Variants in FCHO2 observed in about 807,000 individuals in gnomAD.
FCHO2 encodes the protein F-BAR domain only protein 2.
In FCHO2, 43 loss-of-function variants were observed where a neutral mutation model predicts 114.1. The observed-to-expected ratio is 0.38, with a 90% confidence interval of 0.30 to 0.49. The LOEUF (loss-of-function observed/expected upper bound fraction) is 0.49, where lower values mean the gene tolerates loss of function less well. Ranked by LOEUF, FCHO2 falls within the 20% of genes least tolerant of loss-of-function variation. The pLI is 0.97. For missense variants in FCHO2, 807 were observed against 950.4 expected, an observed-to-expected ratio of 0.85 and a Z score of 1.98; for synonymous variants, 293 against 315.2, an observed-to-expected ratio of 0.93 and a Z score of 0.75.
In FCHO2 at chr5:73,068,227, T is replaced by G. The variant is rs568844742; in HGVS notation, c.1450-423T>G. On this transcript the variant is annotated intron_variant, in intron 18 of 25. Coordinates refer to ENST00000430046, the MANE Select transcript of FCHO2 (RefSeq NM_138782.3). ...ATTTTCTAAATTAGCTAGAAAAAAT[T>G]TTTAATCCCTTTTTCTTCTTCTGTG... is the stretch of plus-strand genomic sequence containing the variant. Among the ~76,000 whole-genome samples, 326 of 152,156 alleles carry G rather than the reference T, an allele frequency of 2.1e-3. 1 individual carries two copies. The highest frequency in any genetic ancestry group is 7.3e-3 in the African/African-American group (302 of 41,544).
In FCHO2 at chr5:73,066,739, G is replaced by C. The variant is rs114662409; in HGVS notation, c.1450-1911G>C. ...GCACCCAACGTGCAGTACCAGATCA[G>C]TAGCATTAGCATCACCAGGGAATTT... On this transcript the variant is annotated intron_variant, in intron 18 of 25. Coordinates refer to ENST00000430046, the MANE Select transcript of FCHO2 (RefSeq NM_138782.3). Among the ~76,000 whole-genome samples the C allele has an allele frequency of 5.7e-3, 859 of 151,986 alleles. 13 individuals are homozygous for C. The highest frequency in any genetic ancestry group is 0.02 in the African/African-American group (824 of 41,500).
chr5:73,064,018 C>G, intron 18 of FCHO2, 74 bp downstream of exon 18: 5 of 1,354,736 alleles, frequency 3.7e-6, no homozygotes, highest in Non-Finnish European at 5.1e-6. Context: ...TCTATATGCC[C>G]TTTTACAGTT....
At chr5:72,960,725 C>CA (rs1187702995) in intron 1 of FCHO2, among the ~76,000 whole-genome samples, 1 of 151,762 alleles carries the variant, frequency 6.6e-6, no homozygotes, top group Non-Finnish European at 1.5e-5. Flanking sequence ...GATTATTCAG[C>CA]AAAAAAACCT....
chr5:73,010,899 AAAAG>A (rs1754972712), intron 6 of FCHO2, among the ~76,000 whole-genome samples: 1 of 150,930 alleles, frequency 6.6e-6, no homozygotes, highest in South Asian at 2.1e-4. Context: ...AAAAAAAAAA[AAAAG>A]AGAGAATGTA....
At chr5:73,070,773 C>T (rs531605777) in intron 19 of FCHO2, among the ~76,000 whole-genome samples, 14 of 152,064 alleles carry the variant, frequency 9.2e-5, no homozygotes, top group Non-Finnish European at 1.6e-4. Flanking sequence ...TAAAATCTAC[C>T]TAAAAAGTTC....
At chr5:73,032,330 T>G (rs138849335) in intron 8 of FCHO2, among the ~76,000 whole-genome samples, 2,185 of 152,318 alleles carry the variant, frequency 0.014, 29 homozygotes, top group Middle Eastern at 0.034. Context: ...AATTTAAAAT[T>G]TTTAATATAT....
intron 24 of FCHO2, among the ~76,000 whole-genome samples, chr5:73,086,261 A>G (rs1337109745): frequency 6.6e-6 from 1 of 152,246 alleles, no homozygotes; most frequent in Non-Finnish European, 1.5e-5. Flanking sequence ...GAACTTTTGC[A>G]CAACCAAATT....
intron 9 of FCHO2, among the ~76,000 whole-genome samples, chr5:73,035,217 A>G (rs1456853260): frequency 1.3e-5 from 2 of 152,220 alleles, no homozygotes; most frequent in Non-Finnish European, 2.9e-5. Context: ...CAGGAGTTCG[A>G]GACCAGCCTG....
At chr5:73,024,775 A>G (rs899475770) in intron 8 of FCHO2, among the ~76,000 whole-genome samples, 1 of 152,156 alleles carries the variant, frequency 6.6e-6, no homozygotes, top group African/African-American at 2.4e-5. Flanking sequence ...CCTCATCTGT[A>G]AAGTGGGGAT....
chr5:73,074,226 C>T (rs1742806912), intron 19 of FCHO2, among the ~76,000 whole-genome samples: 1 of 150,218 alleles, frequency 6.7e-6, no homozygotes. Flanking sequence ...ATTTATTAGT[C>T]AAATATTGAG....
At chr5:73,036,126 G>A (rs1026175359) in intron 9 of FCHO2, among the ~76,000 whole-genome samples, 7 of 151,208 alleles carry the variant, frequency 4.6e-5, no homozygotes, top group East Asian at 2.0e-4. Flanking sequence ...GATTATAGGC[G>A]AGATCCACCA....
Position 73,006,545 on chromosome 5 carries a change from C to T in FCHO2, c.596C>T (p.Ala199Val). The T allele has an allele frequency of 6.5e-7, 1 of 1,534,794 alleles. No individual in the cohort carries two copies. Among genetic ancestry groups the T allele is most frequent in the Non-Finnish European group, 8.7e-7 (1 of 1,146,562 alleles). ...ADFEQKMTET[A>V]QKFQDIEETH... ...TTCGAACAGAAAATGACAGAAACAGCTCAGGTTGGTATTTTAAGGCTTCAG... is the reference window on the plus strand; with the variant it reads ...TTCGAACAGAAAATGACAGAAACAGTTCAGGTTGGTATTTTAAGGCTTCAG... Residue 199 changes from alanine to valine, a missense_variant, in exon 6 of 26, where the codon GCT becomes GTT. Ala to Val is a moderately conservative substitution (Grantham distance 64, BLOSUM62 0). Coordinates refer to ENST00000430046, the MANE Select transcript of FCHO2 (RefSeq NM_138782.3).
At chr5:72,993,116 C>T (rs753576250) in intron 5 of FCHO2, among the ~76,000 whole-genome samples, 7 of 151,240 alleles carry the variant, frequency 4.6e-5, no homozygotes, top group South Asian at 2.1e-4. Context: ...TGAACAAAAA[C>T]GATGTGTCTT....
Position 73,075,542 on chromosome 5 carries a change from T to G in FCHO2, c.1691+689T>G, listed in dbSNP as rs188056621. Among the ~76,000 whole-genome samples the G allele has an allele frequency of 2.3e-3, 349 of 152,244 alleles. 1 individual carries two copies. Among genetic ancestry groups the G allele is most frequent in the Middle Eastern group, 0.02 (6 of 294 alleles). On this transcript the variant is annotated intron_variant, in intron 20 of 25. Transcript: ENST00000430046. ...GCCATGATAAAGAATTTGGAATTTATTTTGAGTAACATGGAAAGCCAGTGG... is the reference window on the plus strand; with the variant it reads ...GCCATGATAAAGAATTTGGAATTTAGTTTGAGTAACATGGAAAGCCAGTGG...
chr5:73,053,346 G>A (rs1301120623), intron 13 of FCHO2, among the ~76,000 whole-genome samples: 3 of 152,052 alleles, frequency 2.0e-5, no homozygotes, highest in Non-Finnish European at 4.4e-5. Context: ...AGGTTTTATT[G>A]TACCATTACT....
At chr5:73,021,012 G>A (rs1455726566) in intron 8 of FCHO2, 26 of 1,422,498 alleles carry the variant, frequency 1.8e-5, no homozygotes, top group Non-Finnish European at 2.5e-5. Flanking sequence ...CCTCAATGGG[G>A]TGGAAATGAG....
chr5:72,993,252 TTA>T (rs1753905087), intron 5 of FCHO2, among the ~76,000 whole-genome samples: 2 of 150,992 alleles, frequency 1.3e-5, no homozygotes, highest in Non-Finnish European at 3.0e-5. Context: ...AAAAATAGAG[TTA>T]TTGAACTTTT....
chr5:73,044,980 A>G (rs1377245442), intron 11 of FCHO2, among the ~76,000 whole-genome samples: 3 of 152,206 alleles, frequency 2.0e-5, no homozygotes, highest in South Asian at 2.1e-4. Flanking sequence ...TATTAATATC[A>G]GGTTTCTGTG....
chr5:72,991,892 T>C (rs1030531395), intron 5 of FCHO2, among the ~76,000 whole-genome samples: 1 of 152,190 alleles, frequency 6.6e-6, no homozygotes, highest in Non-Finnish European at 1.5e-5. Context: ...TAGTTTTACA[T>C]TGAAGTTTGA....
Sources: allele counts gnomAD v4.1 joint callset (sites outside exome capture counted in the v4.1 genomes callset), GRCh38; gene constraint gnomAD v4.1.1; transcripts MANE v1.5; gene names NCBI Gene and HGNC (gene_info 2026-07-23, HGNC 2026-07-21).